Variants in ROPN1L observed in about 807,000 individuals in gnomAD.
The protein encoded by ROPN1L is ropporin-1-like protein.
ROPN1L carries 23 observed loss-of-function variants against 22.7 expected under a neutral mutation model. The observed-to-expected ratio is 1.01, with a 90% CI of 0.73 to 1.43. The LOEUF is 1.43. Among genes scored for constraint, ROPN1L ranks in the 40% most tolerant of loss-of-function variants. The pLI is 0.00. For missense variants in ROPN1L, 271 were observed against 291.5 expected, an observed-to-expected ratio of 0.93 and a Z score of 0.51; for synonymous variants, 116 against 117.8, an observed-to-expected ratio of 0.98 and a Z score of 0.10.
chr5:10,481,000 C>T, the ROPN1L span, among the ~76,000 whole-genome samples: 1 of 152,126 alleles, frequency 6.6e-6, no homozygotes, highest in Non-Finnish European at 1.5e-5. Context: ...TCAAACACCA[C>T]AGTTCCTATG....
chr5:10,465,501 C>T (rs186274353), downstream of ROPN1L, among the ~76,000 whole-genome samples: 244 of 141,924 alleles, frequency 1.7e-3, no homozygotes, highest in African/African-American at 5.6e-3. Context: ...GGCGACAGAG[C>T]GAGACTCCGT....
At chr5:10,477,401 C>A in the ROPN1L span, among the ~76,000 whole-genome samples, 2 of 152,178 alleles carry the variant, frequency 1.3e-5, no homozygotes, top group African/African-American at 2.4e-5. Context: ...GTTATTCACA[C>A]TGTATAGATG....
At chr5:10,467,402 C>A (rs529142310), downstream of ROPN1L, among the ~76,000 whole-genome samples, 2 of 152,070 alleles carry the variant, frequency 1.3e-5, no homozygotes, top group African/African-American at 2.4e-5. Flanking sequence ...AGGTTAAGGA[C>A]GTGCCTGGAA....
In ROPN1L at chr5:10,441,937, G is replaced by T. The variant is rs531812370; in HGVS notation, c.-231G>T. On this transcript the variant is annotated 5_prime_UTR_variant, in exon 1 of 5. Coordinates refer to ENST00000274134, the MANE Select transcript of ROPN1L (RefSeq NM_031916.5). ...TAGTGGCGGCTGGCGCTAGGGAACT[G>T]CAGGGTCTAGGGTGTTGTCGGAGTG... The T allele has an allele frequency of 2.4e-6, 1 of 419,214 alleles. No homozygotes were observed. The highest frequency in any genetic ancestry group is 3.5e-5 in the South Asian group (1 of 28,222). The allele number at this position is 419,214 out of a possible 1,614,324, so 26.0% of individuals were successfully genotyped here.
chr5:10,442,010 G>A lies in ROPN1L; in HGVS notation c.-158G>A. 2.1e-6 allele frequency: 2 copies of A among 970,088 alleles called. No individual in the cohort carries two copies. Among genetic ancestry groups the A allele is most frequent in the Non-Finnish European group, 1.5e-6 (1 of 659,932 alleles). 60.1% of individuals were successfully genotyped at this position (970,088 alleles called of 1,614,324 possible). On this transcript the variant is annotated 5_prime_UTR_variant, in exon 1 of 5. Coordinates refer to ENST00000274134, the MANE Select transcript of ROPN1L (RefSeq NM_031916.5). ...GAAGCCCGCGGAGGAGCGGGTAAGA[G>A]CCCCGCGAATCCGGCCCCAACCTCG...
chr5:10,480,171 A>G, the ROPN1L span, among the ~76,000 whole-genome samples: 1 of 152,234 alleles, frequency 6.6e-6, no homozygotes, highest in Non-Finnish European at 1.5e-5. Flanking sequence ...CCATAAACCA[A>G]TGTAGTTATT....
the ROPN1L span, chr5:10,482,314 A>G: frequency 6.6e-6 from 1 of 152,194 alleles, no homozygotes; most frequent in Non-Finnish European, 1.5e-5. Flanking sequence ...CGAAAACCGT[A>G]AAAGATAAAC....
downstream of ROPN1L, among the ~76,000 whole-genome samples, chr5:10,474,267 C>T (rs970762958): frequency 2.0e-5 from 3 of 152,096 alleles, no homozygotes; most frequent in African/African-American, 7.2e-5. Context: ...CACTGGCAGA[C>T]ACGCCCCATT....
chr5:10,468,518 G>A (rs1364664125), downstream of ROPN1L, among the ~76,000 whole-genome samples: 1 of 152,230 alleles, frequency 6.6e-6, no homozygotes, highest in Non-Finnish European at 1.5e-5. Context: ...AATAGCCATA[G>A]GTAGTTGGGC....
downstream of ROPN1L, among the ~76,000 whole-genome samples, chr5:10,476,381 A>G (rs1028086359): frequency 2.0e-5 from 3 of 152,260 alleles, no homozygotes. Context: ...CAGAATCAAG[A>G]TCTGAAGAGC....
intron 3 of ROPN1L, among the ~76,000 whole-genome samples, chr5:10,455,113 G>C (rs16884726): frequency 0.025 from 3,805 of 152,276 alleles, 151 homozygotes; most frequent in African/African-American, 0.086. Flanking sequence ...CACACACTTT[G>C]GAGCTCTCAG....
At chr5:10,452,867 T>C (rs1475896405) in intron 3 of ROPN1L, among the ~76,000 whole-genome samples, 5 of 152,184 alleles carry the variant, frequency 3.3e-5, no homozygotes, top group Admixed American at 2.0e-4. Context: ...CTCTTGTCCA[T>C]GTAGAGTGTG....
chr5:10,465,989 G>A (rs1201362515), downstream of ROPN1L, among the ~76,000 whole-genome samples: 1 of 152,194 alleles, frequency 6.6e-6, no homozygotes, highest in Non-Finnish European at 1.5e-5. Flanking sequence ...TGGACCCCAG[G>A]GACCCTGCTG....
intron 1 of ROPN1L, among the ~76,000 whole-genome samples, chr5:10,447,109 G>C (rs1020695986): frequency 6.6e-6 from 1 of 152,110 alleles, no homozygotes; most frequent in Non-Finnish European, 1.5e-5. Context: ...ACTACCCATG[G>C]CTTTAAAATT....
chr5:10,466,873 C>T (rs1041489938), downstream of ROPN1L, among the ~76,000 whole-genome samples: 3 of 152,162 alleles, frequency 2.0e-5, no homozygotes, highest in Admixed American at 6.5e-5. Context: ...AAGGTGTTGG[C>T]AGGGCTGGTT....
At chr5:10,454,035 A>G (rs943147814) in intron 3 of ROPN1L, among the ~76,000 whole-genome samples, 1 of 152,244 alleles carries the variant, frequency 6.6e-6, no homozygotes, top group African/African-American at 2.4e-5. Flanking sequence ...TTAAATTGCC[A>G]TCTGGATGTT....
At chr5:10,445,872 A>G (rs1402552432) in intron 1 of ROPN1L, among the ~76,000 whole-genome samples, 2 of 152,218 alleles carry the variant, frequency 1.3e-5, no homozygotes, top group Non-Finnish European at 2.9e-5. Flanking sequence ...TCAGTGAGCC[A>G]TGTTCACAAC....
In ROPN1L at chr5:10,441,892, C is replaced by T. The variant is rs749361453; in HGVS notation, c.-276C>T. 2.9e-4 allele frequency: 79 copies of T among 275,722 alleles called. No homozygotes were observed. The highest frequency in any genetic ancestry group is 4.8e-4 in the Non-Finnish European group (69 of 143,836). The allele number at this position is 275,722 out of a possible 1,614,324, so 17.1% of individuals were successfully genotyped here. A position where few individuals can be genotyped will look rare whatever the true frequency, so the allele number is the denominator to read the frequency against. On this transcript the variant is annotated 5_prime_UTR_variant, in exon 1 of 5. Coordinates refer to ENST00000274134, the MANE Select transcript of ROPN1L (RefSeq NM_031916.5). ...CGGGGCCTGCTCGCGTCCCGGGTGCCTGGATACCGAGCGCGTCCGTAGTGG... is the reference window on the plus strand; with the variant it reads ...CGGGGCCTGCTCGCGTCCCGGGTGCTTGGATACCGAGCGCGTCCGTAGTGG...
chr5:10,475,271 C>CT (rs1369564339), downstream of ROPN1L, among the ~76,000 whole-genome samples: 11 of 152,236 alleles, frequency 7.2e-5, no homozygotes, highest in African/African-American at 1.2e-4. Context: ...GGGGATTTCT[C>CT]TGGGTGTACC....
Sources: gnomAD v4.1 joint callset for allele counts (sites outside exome capture counted in the v4.1 genomes callset) on GRCh38, gnomAD v4.1.1 for gene constraint, MANE v1.5 for transcripts, NCBI Gene and HGNC (gene_info 2026-07-23, HGNC 2026-07-21) for gene names.